Variants in SORCS2 observed in about 807,000 individuals in gnomAD.
SORCS2 encodes sortilin related VPS10 domain containing receptor 2, also known as VPS10 domain-containing receptor SorCS2.
SORCS2 carries 100 observed loss-of-function variants against 141.6 expected under a neutral mutation model. The observed-to-expected ratio is 0.71, with a 90% CI of 0.60 to 0.83. The LOEUF is 0.83. Ranked by LOEUF, SORCS2 falls within the 40% of genes least tolerant of loss-of-function variation. The pLI is 0.00. For synonymous variants in SORCS2, 789 were observed against 676.9 expected (o/e 1.17, Z -2.57); for missense variants, 1,646 against 1,560.2 (o/e 1.05, Z -0.93).
intron 2 of SORCS2, among the ~76,000 whole-genome samples, chr4:7,440,785 G>A (rs577574891): frequency 4.6e-5 from 7 of 152,184 alleles, no homozygotes; most frequent in African/African-American, 1.2e-4. Context: ...TTCATTGCCC[G>A]GCCACATGGG....
At chr4:7,345,206 A>T (rs1720589807) in intron 1 of SORCS2, among the ~76,000 whole-genome samples, 1 of 152,210 alleles carries the variant, frequency 6.6e-6, no homozygotes, top group Non-Finnish European at 1.5e-5. Context: ...TGTGCTGTTT[A>T]CATCTTCTCA....
rs569199674 is a variant in SORCS2 at position 7,654,335 on chromosome 4, G to A, written c.887+128G>A. ...CTGGACCCTCCCCATCCCGGGGCTG[G>A]GTCCCCACCGTCCACTGCCTCTGCC... is the stretch of plus-strand genomic sequence containing the variant. On this transcript the variant is annotated intron_variant, in intron 5 of 26. Transcript: ENST00000507866. 6.4e-4 allele frequency: 595 copies of A among 931,722 alleles called. 1 individual carries two copies. The African/African-American group carries it at 8.0e-3, about 13-fold the overall frequency. The allele number at this position is 931,722 out of a possible 1,614,324, so 57.7% of individuals were successfully genotyped here.
chr4:7,467,878 G>A (rs1342817931), intron 2 of SORCS2, among the ~76,000 whole-genome samples: 1 of 152,250 alleles, frequency 6.6e-6, no homozygotes, highest in Admixed American at 6.5e-5. Context: ...CTGCTGGTGT[G>A]TCCCTGGGAG....
intron 2 of SORCS2, among the ~76,000 whole-genome samples, chr4:7,438,059 T>A (rs780603383): frequency 1.3e-5 from 2 of 152,236 alleles, no homozygotes; most frequent in Non-Finnish European, 2.9e-5. Context: ...AGAACTGTAG[T>A]GTGGATACAA....
At chr4:7,391,852 C>T (rs1253831756) in intron 1 of SORCS2, among the ~76,000 whole-genome samples, 2 of 152,206 alleles carry the variant, frequency 1.3e-5, no homozygotes, top group African/African-American at 4.8e-5. Context: ...TCCGCCCTCA[C>T]TTGCAAGGGA....
chr4:7,470,634 T>C (rs754351071), intron 2 of SORCS2, among the ~76,000 whole-genome samples: 12 of 149,746 alleles, frequency 8.0e-5, no homozygotes, highest in African/African-American at 3.1e-4. Context: ...TGGGCGAGGA[T>C]TGGAGAGACA....
At chr4:7,568,343 A>G (rs867030142) in intron 3 of SORCS2, among the ~76,000 whole-genome samples, 9 of 152,258 alleles carry the variant, frequency 5.9e-5, no homozygotes, top group South Asian at 2.1e-4. Flanking sequence ...ATAAGTATTT[A>G]TGTCCTGATA....
At chr4:7,410,555 G>T (rs190573359) in intron 2 of SORCS2, among the ~76,000 whole-genome samples, 1 of 152,316 alleles carries the variant, frequency 6.6e-6, no homozygotes, top group East Asian at 1.9e-4. Flanking sequence ...CGTGTAAAAT[G>T]CTGGGCACTT....
intron 3 of SORCS2, among the ~76,000 whole-genome samples, chr4:7,602,085 G>A (rs1349287598): frequency 2.0e-5 from 3 of 152,230 alleles, no homozygotes; most frequent in African/African-American, 7.2e-5. Flanking sequence ...CACAGACACA[G>A]CAACAATCTG....
rs185680763 is a variant in SORCS2 at position 7,646,627 on chromosome 4, T to A, written c.814-7507T>A. ...CCTGGGTGATGGAGCAAGACTCTGT[T>A]TCAAAAAATCAAACTACAAAAAAAA... On this transcript the variant is annotated intron_variant, in intron 4 of 26. Coordinates refer to ENST00000507866, the MANE Select transcript of SORCS2 (RefSeq NM_020777.3). Among the ~76,000 whole-genome samples the A allele has an allele frequency of 9.5e-4, 145 of 152,018 alleles. 2 individuals are homozygous for A. Among genetic ancestry groups the A allele is most frequent in the African/African-American group, 3.4e-3 (142 of 41,450 alleles).
intron 1 of SORCS2, among the ~76,000 whole-genome samples, chr4:7,385,144 G>T (rs1263534112): frequency 1.3e-5 from 2 of 152,126 alleles, no homozygotes; most frequent in African/African-American, 2.4e-5. Context: ...TCTGCAGGGT[G>T]GGCAGCGGCA....
intron 1 of SORCS2, among the ~76,000 whole-genome samples, chr4:7,378,204 C>A (rs942721825): frequency 2.6e-5 from 4 of 152,114 alleles, no homozygotes; most frequent in African/African-American, 9.7e-5. Flanking sequence ...TGAAAGTAAC[C>A]TCGGGTGAGA....
At chr4:7,636,816 C>T (rs533555514) in intron 3 of SORCS2, among the ~76,000 whole-genome samples, 38 of 152,188 alleles carry the variant, frequency 2.5e-4, no homozygotes, top group Admixed American at 2.1e-3. Flanking sequence ...TGCAAAGACC[C>T]ACAACCTGGG....
At chr4:7,571,946 C>T (rs1715427902) in intron 3 of SORCS2, among the ~76,000 whole-genome samples, 1 of 152,180 alleles carries the variant, frequency 6.6e-6, no homozygotes, top group African/African-American at 2.4e-5. Flanking sequence ...AGCAAACGTG[C>T]CCTACCAGCT....
In SORCS2 at chr4:7,691,791, C is replaced by A. The variant is rs1043577616; in HGVS notation, c.1591+2203C>A. ...ATGCACTGTCTTGATTCGCTGAAACCCCAAATTCTTGACCAAAGTGCAAAA... is the reference window on the plus strand; with the variant it reads ...ATGCACTGTCTTGATTCGCTGAAACACCAAATTCTTGACCAAAGTGCAAAA... On this transcript the variant is annotated intron_variant, in intron 11 of 26. Transcript: ENST00000507866. 7.2e-5 allele frequency among the ~76,000 whole-genome samples: 11 copies of A among 152,132 alleles called. No homozygotes were observed. In the East Asian group the frequency reaches 1.9e-3, roughly 27 times the overall value.
intron 8 of SORCS2, among the ~76,000 whole-genome samples, chr4:7,675,710 G>A (rs912885486): frequency 1.4e-4 from 21 of 152,176 alleles, no homozygotes; most frequent in African/African-American, 4.8e-4. Flanking sequence ...GGTGCATAGA[G>A]GAAGAACTCC....
rs528489423 is a variant in SORCS2, at chr4:7,543,442, C to G, written c.648+11813C>G. On this transcript the variant is annotated intron_variant, in intron 3 of 26. Coordinates refer to ENST00000507866, the MANE Select transcript of SORCS2 (RefSeq NM_020777.3). ...ATCCATCCATCCGTCCATCCATCCACTCATCCATCCATCCATCCATCCACC... is the reference window on the plus strand; with the variant it reads ...ATCCATCCATCCGTCCATCCATCCAGTCATCCATCCATCCATCCATCCACC... Among the ~76,000 whole-genome samples the G allele has an allele frequency of 3.2e-3, 428 of 133,204 alleles. 8 individuals are homozygous for G. The highest frequency in any genetic ancestry group is 0.029 in the Middle Eastern group (6 of 206). 87.4% of individuals were successfully genotyped at this position (133,204 alleles called of 152,430 possible). A position where few individuals can be genotyped will look rare whatever the true frequency, so the allele number is the denominator to read the frequency against.
chr4:7,376,391 A>G (rs1722657192), intron 1 of SORCS2, among the ~76,000 whole-genome samples: 2 of 152,184 alleles, frequency 1.3e-5, no homozygotes, highest in Non-Finnish European at 2.9e-5. Context: ...AGCCTGGCCA[A>G]CAGGGTGAAA....
At chr4:7,512,169 T>C (rs1732697071) in intron 2 of SORCS2, among the ~76,000 whole-genome samples, 1 of 151,850 alleles carries the variant, frequency 6.6e-6, no homozygotes, top group African/African-American at 2.4e-5. Flanking sequence ...CTCCAGGCGG[T>C]GTCGTTAAGG....
Sources: gnomAD v4.1 joint callset for allele counts (sites outside exome capture counted in the v4.1 genomes callset) on GRCh38, gnomAD v4.1.1 for gene constraint, MANE v1.5 for transcripts, NCBI Gene and HGNC (gene_info 2026-07-23, HGNC 2026-07-21) for gene names.